EP300: variants seen among roughly 807,000 people sequenced by gnomAD.
EP300 encodes EP300 lysine acetyltransferase.
EP300 carries 31 observed loss-of-function variants against 264.0 expected under a neutral mutation model. The ratio of observed to expected loss-of-function variants is 0.12; its 90% confidence interval spans 0.09 to 0.16. The LOEUF is 0.16. EP300 is among the 10% of genes least tolerant of loss of function. EP300 has a pLI of 1.00. For synonymous variants in EP300, 1,340 were observed against 1,045.4 expected (o/e 1.28, Z -5.44); for missense variants, 2,766 against 3,052.9 (o/e 0.91, Z 2.21).
At chr22:41,158,550 G>T in intron 19 of EP300, 50 bp downstream of exon 19, 1 of 1,470,934 alleles carries the variant, frequency 6.8e-7, no homozygotes, top group South Asian at 1.1e-5. Context: ...CATGTCCAGG[G>T]AGTGCATGCG....
intron 29 of EP300, 175 bp from the exon 30 acceptor site, chr22:41,176,072 T>A (rs968525443): frequency 1.4e-6 from 1 of 706,790 alleles, no homozygotes; most frequent in African/African-American, 1.8e-5. Flanking sequence ...ATGCAGAAAT[T>A]AGCCAGGTGT....
chr22:41,161,466 A>G (rs992054561), intron 20 of EP300, among the ~76,000 whole-genome samples: 1 of 151,944 alleles, frequency 6.6e-6, no homozygotes, highest in African/African-American at 2.4e-5. Flanking sequence ...AAATACAAAA[A>G]ATTAGCCGGG....
chr22:41,158,038 C>A (rs931093994), intron 18 of EP300, among the ~76,000 whole-genome samples: 16 of 152,208 alleles, frequency 1.1e-4, no homozygotes, highest in African/African-American at 3.9e-4. Context: ...CATACCAATT[C>A]ACATTATTGG....
intron 2 of EP300, among the ~76,000 whole-genome samples, chr22:41,120,884 A>G (rs2058848626): frequency 6.6e-6 from 1 of 151,974 alleles, no homozygotes; most frequent in African/African-American, 2.4e-5. Flanking sequence ...CCTGCCAGTT[A>G]TTTTTATTTT....
intron 6 of EP300, 56 bp from the exon 7 acceptor site, chr22:41,135,757 A>G: frequency 3.1e-6 from 4 of 1,282,912 alleles, no homozygotes; most frequent in Middle Eastern, 1.9e-4. Flanking sequence ...TATAGTATTT[A>G]TTGTATGGTG....
chr22:41,140,641 T>C (rs1379426073), intron 9 of EP300, among the ~76,000 whole-genome samples: 2 of 152,034 alleles, frequency 1.3e-5, no homozygotes, highest in Non-Finnish European at 2.9e-5. Context: ...ACCCCATCTC[T>C]ACAAAAAATT....
intron 21 of EP300, 68 bp from the exon 22 acceptor site, chr22:41,163,985 G>A (rs1041891970): frequency 7.1e-7 from 1 of 1,414,468 alleles, no homozygotes; most frequent in Non-Finnish European, 1.0e-6. Context: ...AGAAGTCATG[G>A]GAAATATTGC....
chr22:41,128,539 G>T (rs967733904), intron 4 of EP300, among the ~76,000 whole-genome samples: 1 of 151,862 alleles, frequency 6.6e-6, no homozygotes, highest in Non-Finnish European at 1.5e-5. Flanking sequence ...ACAGAGTCTC[G>T]CTCTGTTTCC....
intron 1 of EP300, 148 bp from the exon 2 acceptor site, chr22:41,117,039 C>A: frequency 1.3e-6 from 1 of 754,726 alleles, no homozygotes; most frequent in South Asian, 1.6e-5. Context: ...CCAGCCTGTG[C>A]AACAGAGTAA....
intron 4 of EP300, 31 bp from the exon 5 acceptor site, chr22:41,129,859 C>T (rs775114707): frequency 6.4e-7 from 1 of 1,557,360 alleles, no homozygotes; most frequent in African/African-American, 1.4e-5. Context: ...CATTAACCTG[C>T]TCTTGAAAAA....
In EP300 at chr22:41,125,220, T is replaced by G. The variant is rs1394163544; in HGVS notation, c.730-644T>G. Among the ~76,000 whole-genome samples the G allele has an allele frequency of 7.7e-5, 11 of 142,422 alleles. No individual in the cohort carries two copies. The East Asian group carries it at 2.4e-3, about 31-fold the overall frequency. 93.4% of individuals were successfully genotyped at this position (142,422 alleles called of 152,430 possible). ...TGCAAGCTCCGCCTCCCGGGTTCAC[T>G]CCATTCTCCTGCCTCAGCCTCCCGA... On this transcript the variant is annotated intron_variant, in intron 2 of 30. Transcript: ENST00000263253.
At chr22:41,116,815 C>T (rs933571725) in intron 1 of EP300, among the ~76,000 whole-genome samples, 1 of 152,154 alleles carries the variant, frequency 6.6e-6, no homozygotes, top group Non-Finnish European at 1.5e-5. Flanking sequence ...AATCCCAGCA[C>T]TTTGGAAGGC....
In EP300 at chr22:41,179,221, G is replaced by A; in HGVS notation, c.*265G>A. On this transcript the variant is annotated 3_prime_UTR_variant, in exon 31 of 31. Coordinates refer to ENST00000263253, the MANE Select transcript of EP300 (RefSeq NM_001429.4). ...TGTGTGTGTGGTTCAAGTGTGCACT[G>A]GGAGGAGGCTGAGGCCTGTGAAGCC... 2.0e-6 allele frequency: 1 copy of A among 489,788 alleles called. No individual in the cohort carries two copies. Among genetic ancestry groups the A allele is most frequent in the Admixed American group, 3.6e-5 (1 of 28,168 alleles). The allele number at this position is 489,788 out of a possible 1,614,324, so 30.3% of individuals were successfully genotyped here.
chr22:41,160,418 G>C, intron 19 of EP300: 1 of 416,846 alleles, frequency 2.4e-6, no homozygotes, highest in Non-Finnish European at 4.3e-6. Flanking sequence ...GGCTTTGATT[G>C]CAAAAAAAAA....
chr22:41,098,581 A>C (rs1020473989), intron 1 of EP300, among the ~76,000 whole-genome samples: 17 of 151,982 alleles, frequency 1.1e-4, no homozygotes, highest in East Asian at 7.8e-4. Flanking sequence ...CCGTGTTAGC[A>C]AGGATGGTCT....
At chr22:41,146,438 A>C in intron 10 of EP300, 1 of 372,096 alleles carries the variant, frequency 2.7e-6, no homozygotes, top group Non-Finnish European at 5.1e-6. Flanking sequence ...AAGTGCCAGG[A>C]TTACAGGCGT....
chr22:41,169,818 A>G lies in EP300; in HGVS notation c.4286+202A>G, dbSNP rs574690253. The stretch of plus-strand genomic sequence containing the variant: ...GGATATGTTGGCCCTAGTTTCACCC[A>G]TCCAACATTAGTTTTGTTTGTAAGC... On this transcript the variant is annotated intron_variant, in intron 26 of 30. Transcript: ENST00000263253. Among the ~76,000 whole-genome samples the G allele has an allele frequency of 2.9e-3, 437 of 152,290 alleles. 3 individuals carry two copies. Among genetic ancestry groups the G allele is most frequent in the African/African-American group, 0.01 (421 of 41,560 alleles).
chr22:41,162,759 T>C lies in EP300; in HGVS notation c.3708T>C (p.Asn1236=), dbSNP rs2145754809. The C allele has an allele frequency of 1.2e-6, 2 of 1,613,036 alleles. No homozygotes were observed. The change falls in exon 21 of 31, where the codon AAT becomes AAC. Residue 1236 remains asparagine, a synonymous_variant. Coordinates refer to ENST00000263253, the MANE Select transcript of EP300 (RefSeq NM_001429.4). ...AAGAACAATTTTCCAAGAGAAAAAA[T>C]GACACACTGGATCCTGAACTGTAAG... is the stretch of plus-strand genomic sequence containing the variant. ...INKEQFSKRK[N]DTLDPELFVE...
At chr22:41,170,839 AT>A (rs1426274838) in intron 27 of EP300, among the ~76,000 whole-genome samples, 1 of 150,262 alleles carries the variant, frequency 6.7e-6, no homozygotes. Context: ...ATTTTTTTGT[AT>A]TTTTAGTAGA....
Sources: gnomAD v4.1 joint callset for allele counts (sites outside exome capture counted in the v4.1 genomes callset) on GRCh38, gnomAD v4.1.1 for gene constraint, MANE v1.5 for transcripts, NCBI Gene and HGNC (gene_info 2026-07-23, HGNC 2026-07-21) for gene names.